Variants in GRID2 observed in about 807,000 individuals in gnomAD.
The protein encoded by GRID2 is glutamate receptor ionotropic, delta-2.
A neutral mutation model predicts 114.8 loss-of-function variants in GRID2; 33 were observed. That is an observed-to-expected ratio of 0.29 (90% CI 0.22 to 0.38). GRID2 has a LOEUF of 0.38. GRID2 is among the 10% of genes least tolerant of loss of function. The pLI is 1.00. For missense variants in GRID2, 1,184 were observed against 1,257.7 expected, an observed-to-expected ratio of 0.94 and a Z score of 0.89; for synonymous variants, 505 against 449.9, an observed-to-expected ratio of 1.12 and a Z score of -1.55.
intron 2 of GRID2, among the ~76,000 whole-genome samples, chr4:92,646,329 T>C (rs1298567197): frequency 6.6e-6 from 1 of 152,230 alleles, no homozygotes; most frequent in Non-Finnish European, 1.5e-5. Flanking sequence ...TTTTCAAAAC[T>C]ATTTTCTAGA....
chr4:92,607,427 G>C (rs17321497), intron 2 of GRID2, among the ~76,000 whole-genome samples: 1 of 151,736 alleles, frequency 6.6e-6, no homozygotes, highest in Non-Finnish European at 1.5e-5. Flanking sequence ...ATTCTTTGTA[G>C]GAGCGTTATA....
At chr4:92,445,466 T>C (rs922292540) in intron 1 of GRID2, among the ~76,000 whole-genome samples, 1 of 152,220 alleles carries the variant, frequency 6.6e-6, no homozygotes, top group Admixed American at 6.5e-5. Flanking sequence ...TTGAAGGAGA[T>C]TTTATTAAAC....
chr4:92,403,694 AAATAAAT>A, intron 1 of GRID2, among the ~76,000 whole-genome samples: 1 of 7,226 alleles, frequency 1.4e-4, no homozygotes, highest in Non-Finnish European at 3.1e-4. Context: ...TCCATCTCAA[AAATAAAT>A]AAATAAATAA....
chr4:93,183,353 T>C (rs1296452701), intron 4 of GRID2, among the ~76,000 whole-genome samples: 2 of 152,182 alleles, frequency 1.3e-5, no homozygotes, highest in Non-Finnish European at 2.9e-5. Flanking sequence ...TTTAAAATAA[T>C]GATTTTATTA....
intron 3 of GRID2, among the ~76,000 whole-genome samples, chr4:93,109,246 G>A (rs1033032634): frequency 6.6e-6 from 1 of 151,962 alleles, no homozygotes; most frequent in South Asian, 2.1e-4. Flanking sequence ...CTTTTAACCT[G>A]CTTTGATGGT....
intron 10 of GRID2, among the ~76,000 whole-genome samples, chr4:93,450,568 C>A (rs1722592509): frequency 6.6e-6 from 1 of 151,600 alleles, no homozygotes; most frequent in African/African-American, 2.4e-5. Context: ...AAATGTATTT[C>A]AATTTGTCTA....
At chr4:92,913,159 G>GA (rs889179024) in intron 2 of GRID2, among the ~76,000 whole-genome samples, 2 of 151,646 alleles carry the variant, frequency 1.3e-5, no homozygotes, top group Admixed American at 6.6e-5. Flanking sequence ...GAGTATGTAT[G>GA]AAAAAATGTT....
chr4:92,617,389 G>A (rs948413013), intron 2 of GRID2, among the ~76,000 whole-genome samples: 6 of 151,358 alleles, frequency 4.0e-5, no homozygotes, highest in Non-Finnish European at 7.4e-5. Flanking sequence ...CCCCATCCCC[G>A]ACAGGCCCTG....
chr4:93,565,586 G>A (rs1735336306), intron 13 of GRID2, among the ~76,000 whole-genome samples: 3 of 152,100 alleles, frequency 2.0e-5, no homozygotes, highest in Admixed American at 2.0e-4. Context: ...CATAATTTAA[G>A]AACGAATCAA....
At chr4:92,353,220 A>T (rs1201242391) in intron 1 of GRID2, among the ~76,000 whole-genome samples, 1 of 151,178 alleles carries the variant, frequency 6.6e-6, no homozygotes, top group Non-Finnish European at 1.5e-5. Flanking sequence ...TTGTTCATAC[A>T]TAGTTTTCCT....
intron 1 of GRID2, among the ~76,000 whole-genome samples, chr4:92,560,358 T>G (rs978648044): frequency 6.6e-6 from 1 of 152,158 alleles, no homozygotes; most frequent in South Asian, 2.1e-4. Flanking sequence ...TATTATGAGG[T>G]CAATGAGTAA....
At chr4:93,439,013 C>A (rs1214453344) in intron 10 of GRID2, among the ~76,000 whole-genome samples, 2 of 152,092 alleles carry the variant, frequency 1.3e-5, no homozygotes, top group Non-Finnish European at 2.9e-5. Flanking sequence ...GACATGAATT[C>A]ATCATTTTTT....
At chr4:92,319,142 T>A (rs2110123456) in intron 1 of GRID2, among the ~76,000 whole-genome samples, 1 of 152,332 alleles carries the variant, frequency 6.6e-6, no homozygotes, top group African/African-American at 2.4e-5. Context: ...AACAATTATT[T>A]TATAATGTAT....
chr4:92,645,615 A>G (rs1393709321), intron 2 of GRID2, among the ~76,000 whole-genome samples: 1 of 151,676 alleles, frequency 6.6e-6, no homozygotes, highest in Admixed American at 6.6e-5. Context: ...CTATTACTCC[A>G]CAAAGTTTCT....
At chr4:93,554,370 A>C (rs895169214) in intron 13 of GRID2, among the ~76,000 whole-genome samples, 11 of 152,012 alleles carry the variant, frequency 7.2e-5, no homozygotes, top group African/African-American at 2.4e-4. Context: ...TAGAAGCTTG[A>C]ATCTTCTTTT....
intron 2 of GRID2, among the ~76,000 whole-genome samples, chr4:92,719,788 G>A (rs1048910398): frequency 2.0e-5 from 3 of 152,154 alleles, no homozygotes; most frequent in Admixed American, 6.6e-5. Flanking sequence ...TTCAAGAAGT[G>A]AAGGCTCTTA....
chr4:92,828,858 G>T (rs561060754), intron 2 of GRID2, among the ~76,000 whole-genome samples: 29 of 152,170 alleles, frequency 1.9e-4, no homozygotes, highest in African/African-American at 6.5e-4. Context: ...TTTTGATGGA[G>T]TTGTTTGTTT....
chr4:92,572,225 C>G (rs1727662127), intron 1 of GRID2, among the ~76,000 whole-genome samples: 1 of 152,242 alleles, frequency 6.6e-6, no homozygotes, highest in South Asian at 2.1e-4. Flanking sequence ...CACAGAAATA[C>G]AAACTACCAT....
intron 2 of GRID2, among the ~76,000 whole-genome samples, chr4:92,751,724 T>C (rs1446494137): frequency 6.6e-6 from 1 of 152,230 alleles, no homozygotes; most frequent in Non-Finnish European, 1.5e-5. Flanking sequence ...TACTAACTTA[T>C]ACTATACTGT....
Sources: allele counts gnomAD v4.1 joint callset (sites outside exome capture counted in the v4.1 genomes callset), GRCh38; gene constraint gnomAD v4.1.1; transcripts MANE v1.5; gene names NCBI Gene and HGNC (gene_info 2026-07-23, HGNC 2026-07-21).